EPS15: variants seen among roughly 807,000 people sequenced by gnomAD.
EPS15 encodes epidermal growth factor receptor substrate 15.
Under a neutral mutation model 113.8 loss-of-function variants are expected in EPS15, and 72 were observed. That is an observed-to-expected ratio of 0.63 (90% confidence interval 0.52 to 0.77). The LOEUF (loss-of-function observed/expected upper bound fraction) is 0.77, where lower values mean the gene tolerates loss of function less well. EPS15 is among the 30% of genes least tolerant of loss of function. The pLI, the probability that EPS15 is intolerant of heterozygous loss-of-function variation, is 0.00. For missense variants in EPS15, 1,048 were observed against 1,045.8 expected, an observed-to-expected ratio of 1.00 and a Z score of -0.03; for synonymous variants, 344 against 363.4, an observed-to-expected ratio of 0.95 and a Z score of 0.61.
At chr1:51,486,928 C>T (rs533519044) in intron 1 of EPS15, among the ~76,000 whole-genome samples, 3 of 152,042 alleles carry the variant, frequency 2.0e-5, no homozygotes, top group East Asian at 3.9e-4. Flanking sequence ...CCTCGGCCTC[C>T]GAAAATGCTG....
intron 24 of EPS15, among the ~76,000 whole-genome samples, chr1:51,358,506 C>G (rs1646294368): frequency 6.6e-6 from 1 of 151,886 alleles, no homozygotes; most frequent in Admixed American, 6.5e-5. Context: ...ATAAAATACA[C>G]TGTCAGGCTT....
rs1644551011 is a variant in EPS15, at chr1:51,508,328, A to AGAAAG, written c.33+10870_33+10871insCTTTC. 4.7e-5 allele frequency among the ~76,000 whole-genome samples: 4 copies of AGAAAG among 85,414 alleles called. No homozygotes were observed. In the South Asian group the frequency reaches 1.5e-3, roughly 32 times the overall value. The allele number at this position is 85,414 out of a possible 152,430, so 56.0% of individuals were successfully genotyped here. On this transcript the variant is annotated intron_variant, in intron 1 of 24. Coordinates refer to ENST00000371733, the MANE Select transcript of EPS15 (RefSeq NM_001981.3). ...AAAGAGAGAAAGAGAGAAAGAGAGA[A>AGAAAG]AGAGAAAGAGAGAAAGAAAGAAAGA... is the stretch of plus-strand genomic sequence containing the variant.
At chr1:51,419,794 T>C (rs2148447007) in intron 13 of EPS15, among the ~76,000 whole-genome samples, 1 of 152,134 alleles carries the variant, frequency 6.6e-6, no homozygotes, top group Non-Finnish European at 1.5e-5. Flanking sequence ...TAAATCAGAG[T>C]TACCTCAAAA....
At chr1:51,510,589 T>C (rs1266517825) in intron 1 of EPS15, among the ~76,000 whole-genome samples, 4 of 152,108 alleles carry the variant, frequency 2.6e-5, no homozygotes, top group South Asian at 2.1e-4. Context: ...GCCCACTAGA[T>C]AGAACTGTTC....
At chr1:51,433,516 C>T (rs1651901330) in intron 12 of EPS15, among the ~76,000 whole-genome samples, 1 of 152,218 alleles carries the variant, frequency 6.6e-6, no homozygotes, top group Admixed American at 6.5e-5. Flanking sequence ...AAGAGTTGGC[C>T]TGTGCCATCA....
intron 12 of EPS15, among the ~76,000 whole-genome samples, chr1:51,435,135 T>C (rs1652040426): frequency 6.6e-6 from 1 of 152,156 alleles, no homozygotes; most frequent in African/African-American, 2.4e-5. Flanking sequence ...AACCTTAATG[T>C]TCCTGTGAGG....
chr1:51,372,274 T>TGGCAGGGCAGAAGGC, intron 21 of EPS15: 1 of 494,990 alleles, frequency 2.0e-6, no homozygotes, highest in Non-Finnish European at 4.1e-6. Context: ...ATGTCAGAGC[T>TGGCAGGGCAGAAGGC]GGCAGTGCAG....
rs1648677200 is a variant in EPS15 at position 51,402,510 on chromosome 1, C to T, written c.1807G>A (p.Val603Ile). ...GGACCTGTCAGCGAACTTGAGTCTA[C>T]ATTAAATGGATCTTCCTAAAAATAA... ...RHSKEEDPFN[V>I]DSSSLTGPVA... Residue 603 changes from valine (V) to isoleucine (I), a missense_variant, in exon 18 of 25, where the codon GTA (valine) becomes ATA (isoleucine). Coordinates refer to ENST00000371733, the MANE Select transcript of EPS15 (RefSeq NM_001981.3). The T allele has an allele frequency of 1.3e-6, 2 of 1,542,340 alleles. No individual in the cohort carries two copies. Among genetic ancestry groups the T allele is most frequent in the Non-Finnish European group, 1.8e-6 (2 of 1,128,988 alleles).
At chr1:51,410,916 T>A (rs986698107) in intron 13 of EPS15, among the ~76,000 whole-genome samples, 1 of 152,232 alleles carries the variant, frequency 6.6e-6, no homozygotes, top group African/African-American at 2.4e-5. Flanking sequence ...TTATAGTCTA[T>A]ATGACAGATC....
intron 21 of EPS15, among the ~76,000 whole-genome samples, chr1:51,390,590 A>G (rs1194218875): frequency 6.6e-6 from 1 of 152,056 alleles, no homozygotes; most frequent in South Asian, 2.1e-4. Flanking sequence ...AATATCCAGA[A>G]TCTACAATGA....
chr1:51,427,152 A>G (rs1236514276), intron 12 of EPS15, among the ~76,000 whole-genome samples: 1 of 152,182 alleles, frequency 6.6e-6, no homozygotes, highest in Non-Finnish European at 1.5e-5. Flanking sequence ...CAGTTTACAT[A>G]GTAGATGCTA....
chr1:51,402,111 T>C (rs1239307941), intron 18 of EPS15, among the ~76,000 whole-genome samples: 2 of 152,022 alleles, frequency 1.3e-5, no homozygotes, highest in Non-Finnish European at 2.9e-5. Flanking sequence ...CACTCCAGCC[T>C]GGCGACAGAG....
At chr1:51,361,430 T>C (rs959600203) in intron 23 of EPS15, 75 bp from the exon 24 acceptor site, 17 of 1,153,542 alleles carry the variant, frequency 1.5e-5, no homozygotes, top group East Asian at 7.1e-5. Flanking sequence ...TGTACACAGA[T>C]AGCATTAAAG....
At position 51,508,232 on chromosome 1, in the gene EPS15, A is replaced by AGAAAG. The variant is rs1644536832; in HGVS notation, c.33+10966_33+10967insCTTTC. On this transcript the variant is annotated intron_variant, in intron 1 of 24. Transcript: ENST00000371733. ...AGAAAAGAAAAGAAAAGAAAAGAAA[A>AGAAAG]GAAAAGAAAGAGAGAAAGAGAGAGA... is the stretch of plus-strand genomic sequence containing the variant. Among the ~76,000 whole-genome samples the AGAAAG allele has an allele frequency of 3.1e-5, 3 of 97,264 alleles. No individual in the cohort carries two copies. In the East Asian group the frequency reaches 7.0e-4, roughly 23 times the overall value. The allele number at this position is 97,264 out of a possible 152,430, so 63.8% of individuals were successfully genotyped here.
At chr1:51,469,651 C>T in intron 4 of EPS15, among the ~76,000 whole-genome samples, 1 of 152,292 alleles carries the variant, frequency 6.6e-6, no homozygotes, top group Admixed American at 6.5e-5. Flanking sequence ...ACCCTTCATA[C>T]CCAATTCATA....
At chr1:51,462,363 CAAAAAAAGAAAAAA>C (rs891716433) in intron 7 of EPS15, among the ~76,000 whole-genome samples, 6 of 123,560 alleles carry the variant, frequency 4.9e-5, no homozygotes, top group African/African-American at 2.0e-4. Context: ...AAATCCATCT[CAAAAAAAGAAAAAA>C]AAAAAAAGAA....
At chr1:51,379,461 C>A (rs1646884659) in intron 21 of EPS15, among the ~76,000 whole-genome samples, 1 of 152,018 alleles carries the variant, frequency 6.6e-6, no homozygotes, top group Admixed American at 6.6e-5. Flanking sequence ...TCAGCAGAAA[C>A]CTTGAAGGGA....
intron 21 of EPS15, among the ~76,000 whole-genome samples, chr1:51,381,973 C>T (rs1214809220): frequency 6.6e-6 from 1 of 151,996 alleles, no homozygotes; most frequent in Non-Finnish European, 1.5e-5. Flanking sequence ...AGAGACAACA[C>T]AGAGAATAGA....
rs113371504 is a variant in EPS15 at position 51,469,869 on chromosome 1, TA to T, written c.214-1302del. On this transcript the variant is annotated intron_variant, in intron 4 of 24. Coordinates refer to ENST00000371733, the MANE Select transcript of EPS15 (RefSeq NM_001981.3). ...TCCTAGCTACCAAATAGAATAGCCTTAAAAAAAAAAAAGCCTCATACTGCTT... is the reference window on the plus strand; with the variant it reads ...TCCTAGCTACCAAATAGAATAGCCTTAAAAAAAAAAAGCCTCATACTGCTT... 1.3e-3 allele frequency among the ~76,000 whole-genome samples: 186 copies of T among 142,568 alleles called. 1 individual carries two copies. The highest frequency in any genetic ancestry group is 3.4e-3 in the East Asian group (17 of 4,996). The allele number at this position is 142,568 out of a possible 152,430, so 93.5% of individuals were successfully genotyped here.
Sources: gnomAD v4.1 joint callset for allele counts (sites outside exome capture counted in the v4.1 genomes callset) on GRCh38, gnomAD v4.1.1 for gene constraint, MANE v1.5 for transcripts, NCBI Gene and HGNC (gene_info 2026-07-23, HGNC 2026-07-21) for gene names.